Variants in DIAPH2 observed in about 807,000 individuals in gnomAD.
DIAPH2 encodes the protein diaphanous related formin 2.
DIAPH2 carries 35 observed loss-of-function variants against 92.7 expected under a neutral mutation model. The observed-to-expected ratio is 0.38, with a 90% CI of 0.29 to 0.50. The LOEUF (loss-of-function observed/expected upper bound fraction) is 0.50. Among genes scored for constraint, DIAPH2 ranks in the 20% least tolerant of loss-of-function variants. The probability of loss-of-function intolerance (pLI) is 0.94; values close to 1 mark genes in which losing one functional copy is unlikely to be tolerated. For missense variants in DIAPH2, 701 were observed against 819.5 expected (o/e 0.86, Z 1.77); for synonymous variants, 301 against 280.4 (o/e 1.07, Z -0.73).
intron 26 of DIAPH2, among the ~76,000 whole-genome samples, chrX:97,478,606 A>G (rs1444990421): frequency 8.9e-6 from 1 of 112,171 alleles, no homozygotes; most frequent in Admixed American, 9.5e-5. Context: ...GCATCCCAAA[A>G]CAGTAGGCTT....
chrX:97,289,868 G>A (rs1486235693), intron 23 of DIAPH2, among the ~76,000 whole-genome samples: 1 of 109,937 alleles, frequency 9.1e-6, no homozygotes, highest in Non-Finnish European at 1.9e-5. Flanking sequence ...GGGACTACAC[G>A]CGTGTGCCAG....
intron 4 of DIAPH2, among the ~76,000 whole-genome samples, chrX:96,806,323 G>A (rs2064624091): frequency 9.0e-6 from 1 of 111,251 alleles, no homozygotes. Flanking sequence ...AACATTGAGG[G>A]CTTGTAATTT....
At chrX:97,042,430 A>G (rs1205798546) in intron 17 of DIAPH2, among the ~76,000 whole-genome samples, 1 of 111,899 alleles carries the variant, frequency 8.9e-6, no homozygotes, top group Non-Finnish European at 1.9e-5. Flanking sequence ...TGCTAATGTC[A>G]TAAAATAAAA....
intron 1 of DIAPH2, among the ~76,000 whole-genome samples, chrX:96,702,306 T>C (rs940268216): frequency 8.9e-6 from 1 of 112,003 alleles, no homozygotes; most frequent in African/African-American, 3.2e-5. Flanking sequence ...AAATTCTTCA[T>C]GTTCAATAGT....
chrX:97,016,067 A>C (rs758064129), intron 17 of DIAPH2, among the ~76,000 whole-genome samples: 1 of 112,477 alleles, frequency 8.9e-6, no homozygotes, highest in South Asian at 3.7e-4. Flanking sequence ...ATATATCCTC[A>C]GAATACTGAT....
intron 23 of DIAPH2, among the ~76,000 whole-genome samples, chrX:97,292,040 A>G (rs763923251): frequency 6.4e-4 from 68 of 106,308 alleles, no homozygotes; most frequent in Non-Finnish European, 1.0e-3. Flanking sequence ...CTCTATTAAT[A>G]CTGCTAGTTT....
chrX:97,380,495 C>T (rs1035541260), intron 24 of DIAPH2, among the ~76,000 whole-genome samples: 1 of 111,661 alleles, frequency 9.0e-6, no homozygotes, highest in African/African-American at 3.2e-5. Flanking sequence ...CTTAAATTTG[C>T]TCCTACTGCT....
At chrX:97,260,510 G>A (rs1045115554) in intron 23 of DIAPH2, among the ~76,000 whole-genome samples, 1 of 112,112 alleles carries the variant, frequency 8.9e-6, no homozygotes, top group African/African-American at 3.2e-5. Flanking sequence ...TGTTTCAAAT[G>A]TTTGACAGTT....
intron 26 of DIAPH2, among the ~76,000 whole-genome samples, chrX:97,560,120 G>A (rs2071283916): frequency 8.9e-6 from 1 of 111,842 alleles, no homozygotes; most frequent in African/African-American, 3.3e-5. Flanking sequence ...ACTAGATCCA[G>A]AGATACAAGT....
At chrX:97,413,839 A>C (rs1180748129) in intron 25 of DIAPH2, among the ~76,000 whole-genome samples, 1 of 111,862 alleles carries the variant, frequency 8.9e-6, no homozygotes, top group Non-Finnish European at 1.9e-5. Context: ...GATCCAACTT[A>C]CAAGGGATGT....
At chrX:96,923,996 C>T (rs765578432) in intron 9 of DIAPH2, among the ~76,000 whole-genome samples, 1 of 111,923 alleles carries the variant, frequency 8.9e-6, no homozygotes, top group Non-Finnish European at 1.9e-5. Context: ...ATGGAACTAT[C>T]CTATGTGGCT....
At chrX:97,359,642 G>C (rs1037543510) in intron 24 of DIAPH2, among the ~76,000 whole-genome samples, 1 of 100,851 alleles carries the variant, frequency 9.9e-6, no homozygotes, top group Non-Finnish European at 2.0e-5. Context: ...GAAGTGGCAG[G>C]TCTCGGCTCA....
chrX:97,381,087 A>C (rs1415879975), intron 24 of DIAPH2, among the ~76,000 whole-genome samples: 1 of 111,514 alleles, frequency 9.0e-6, no homozygotes, highest in Admixed American at 9.6e-5. Context: ...ATAAAAATTT[A>C]ATCTCTAGCC....
At chrX:97,340,443 C>G (rs759419845) in intron 23 of DIAPH2, among the ~76,000 whole-genome samples, 39 of 110,819 alleles carry the variant, frequency 3.5e-4, no homozygotes, top group Non-Finnish European at 7.0e-4. Context: ...TAACCCAGAT[C>G]AAATCTCTAC....
chrX:96,781,401 C>T (rs2064416685), intron 4 of DIAPH2, among the ~76,000 whole-genome samples: 1 of 111,382 alleles, frequency 9.0e-6, no homozygotes, highest in African/African-American at 3.3e-5. Context: ...CATGTTTCCT[C>T]CATACTCGTG....
chrX:97,120,748 A>G (rs899806420), intron 21 of DIAPH2, among the ~76,000 whole-genome samples: 2 of 108,660 alleles, frequency 1.8e-5, no homozygotes, highest in African/African-American at 6.7e-5. Flanking sequence ...ATGATCTAGA[A>G]TATCTATAAC....
intron 3 of DIAPH2, among the ~76,000 whole-genome samples, chrX:96,747,451 A>T (rs2064157732): frequency 1.8e-5 from 2 of 112,471 alleles, no homozygotes; most frequent in Non-Finnish European, 3.8e-5. Context: ...ATGATTATAC[A>T]TGCAAATTTG....
At chrX:97,315,303 C>T (rs1441075051) in intron 23 of DIAPH2, among the ~76,000 whole-genome samples, 1 of 111,804 alleles carries the variant, frequency 8.9e-6, no homozygotes, top group Admixed American at 9.6e-5. Flanking sequence ...AAGTGAGACC[C>T]TGGCTCTTGA....
intron 22 of DIAPH2, among the ~76,000 whole-genome samples, chrX:97,231,874 GA>G (rs1197988600): frequency 7.3e-5 from 8 of 109,571 alleles, no homozygotes; most frequent in Non-Finnish European, 1.3e-4. Flanking sequence ...CATCCTCCAA[GA>G]AAAAAAGAAA....
Sources: allele counts gnomAD v4.1 joint callset (sites outside exome capture counted in the v4.1 genomes callset), GRCh38; gene constraint gnomAD v4.1.1; transcripts MANE v1.5; gene names NCBI Gene and HGNC (gene_info 2026-07-23, HGNC 2026-07-21).